Variants in UPP2 observed in about 807,000 individuals in gnomAD.
The protein encoded by UPP2 is uridine phosphorylase 2.
Under a neutral mutation model 26.7 loss-of-function variants are expected in UPP2, and 23 were observed. The ratio of observed to expected loss-of-function variants is 0.86; its 90% CI spans 0.62 to 1.22. The LOEUF (loss-of-function observed/expected upper bound fraction) is 1.22, where lower values mean the gene tolerates loss of function less well. UPP2 is among the 50% of genes most tolerant of loss of function. The pLI is 0.00. For synonymous variants in UPP2, 127 were observed against 141.3 expected, an observed-to-expected ratio of 0.90 and a Z score of 0.72; for missense variants, 387 against 396.7, an observed-to-expected ratio of 0.98 and a Z score of 0.21.
intron 3 of UPP2, among the ~76,000 whole-genome samples, chr2:158,039,222 T>G (rs890356417): frequency 6.6e-6 from 1 of 152,134 alleles, no homozygotes; most frequent in African/African-American, 2.4e-5. Flanking sequence ...GGGCTCTAAC[T>G]AAGCAGCAGA....
chr2:158,018,566 T>C (rs1490807178), intron 3 of UPP2, among the ~76,000 whole-genome samples: 2 of 152,144 alleles, frequency 1.3e-5, no homozygotes, highest in Admixed American at 1.3e-4. Flanking sequence ...GGAAGGCAGG[T>C]GCATGGCTGT....
intron 3 of UPP2, chr2:158,065,805 G>T: frequency 1.4e-6 from 1 of 700,736 alleles, no homozygotes. Context: ...GTTAAGTCTT[G>T]TGAAAATTAA....
chr2:158,079,605 C>T (rs1274799988), intron 3 of UPP2, among the ~76,000 whole-genome samples: 1 of 152,092 alleles, frequency 6.6e-6, no homozygotes, highest in Non-Finnish European at 1.5e-5. Context: ...CATACTAAAC[C>T]CATTCCACTT....
chr2:158,003,973 T>C (rs1255789879), intron 2 of UPP2, among the ~76,000 whole-genome samples: 2 of 152,184 alleles, frequency 1.3e-5, no homozygotes, highest in Admixed American at 1.3e-4. Flanking sequence ...AGTATAGTAC[T>C]AATAATGTTA....
chr2:158,045,051 C>T (rs1382747306), intron 3 of UPP2, among the ~76,000 whole-genome samples: 2 of 152,166 alleles, frequency 1.3e-5, no homozygotes, highest in East Asian at 3.8e-4. Flanking sequence ...CCACCTTTTT[C>T]CTGAATGTAT....
At position 158,121,415 on chromosome 2, in the gene UPP2, C is replaced by T. The variant is rs372476628; in HGVS notation, c.461C>T (p.Ala154Val). 8.1e-6 allele frequency: 13 copies of T among 1,611,868 alleles called. No individual in the cohort carries two copies. Among genetic ancestry groups the T allele is most frequent in the Admixed American group, 3.3e-5 (2 of 59,980 alleles). ...ATTTATTCCCACATTGCAGGGATTG[C>T]ACCAGGGACTGTTGTAATAACGGAT... ...RIGTSGGIGI[A>V]PGTVVITDIA... The change falls in exon 5 of 7, where the codon GCA becomes GTA. Residue 154 changes from alanine (A) to valine (V), a missense_variant. Transcript: ENST00000005756.
chr2:158,112,850 C>A (rs565273004), intron 2 of UPP2, among the ~76,000 whole-genome samples: 8 of 152,272 alleles, frequency 5.3e-5, no homozygotes, highest in African/African-American at 1.9e-4. Flanking sequence ...TTTTTTCTGG[C>A]AATCATTAGG....
intron 2 of UPP2, among the ~76,000 whole-genome samples, chr2:158,012,632 T>C (rs542382191): frequency 6.6e-6 from 1 of 152,314 alleles, no homozygotes; most frequent in East Asian, 1.9e-4. Flanking sequence ...ACCACATCTT[T>C]GATCCTTAAA....
chr2:158,121,987 C>A (rs546770666), intron 5 of UPP2, among the ~76,000 whole-genome samples: 1 of 151,886 alleles, frequency 6.6e-6, no homozygotes, highest in Non-Finnish European at 1.5e-5. Context: ...TGATCCTGTC[C>A]CCCGGAAACA....
intron 3 of UPP2, among the ~76,000 whole-genome samples, chr2:158,045,516 C>G (rs576116909): frequency 1.7e-3 from 257 of 152,268 alleles, no homozygotes; most frequent in African/African-American, 6.0e-3. Context: ...CATACCATGC[C>G]TGGGACTCTA....
At chr2:158,105,758 G>T (rs1683179629) in intron 1 of UPP2, among the ~76,000 whole-genome samples, 1 of 152,168 alleles carries the variant, frequency 6.6e-6, no homozygotes, top group Non-Finnish European at 1.5e-5. Flanking sequence ...AATAGAAATG[G>T]CTGTTTTGTA....
At chr2:158,019,352 T>G (rs565149074) in intron 3 of UPP2, among the ~76,000 whole-genome samples, 4 of 152,100 alleles carry the variant, frequency 2.6e-5, no homozygotes, top group Non-Finnish European at 5.9e-5. Context: ...TGGAGAGATA[T>G]ACAGATCCAT....
chr2:158,063,885 T>C (rs921138371), intron 3 of UPP2, among the ~76,000 whole-genome samples: 7 of 152,198 alleles, frequency 4.6e-5, no homozygotes, highest in Non-Finnish European at 8.8e-5. Flanking sequence ...CTGAGAATGA[T>C]GGTTTCCAGC....
chr2:158,102,197 G>T, intron 1 of UPP2, 72 bp downstream of exon 1: 2 of 1,549,186 alleles, frequency 1.3e-6, no homozygotes, highest in Non-Finnish European at 1.8e-6. Context: ...TAAATGATTA[G>T]ATAATGGGCC....
At chr2:158,082,131 A>C (rs1682736938) in intron 3 of UPP2, among the ~76,000 whole-genome samples, 1 of 151,920 alleles carries the variant, frequency 6.6e-6, no homozygotes, top group African/African-American at 2.4e-5. Flanking sequence ...TTGTATTTGT[A>C]GTACAGATGG....
intron 6 of UPP2, 109 bp from the exon 7 acceptor site, chr2:158,134,639 C>A (rs1683893144): frequency 3.8e-6 from 5 of 1,321,536 alleles, no homozygotes; most frequent in South Asian, 2.1e-5. Flanking sequence ...ACAACAACAA[C>A]AAAAATACAC....
intron 3 of UPP2, among the ~76,000 whole-genome samples, chr2:158,087,934 G>C (rs1682842628): frequency 6.6e-6 from 1 of 152,024 alleles, no homozygotes; most frequent in Non-Finnish European, 1.5e-5. Context: ...CCTTCATCTT[G>C]ACTTTAGAAA....
chr2:158,134,785 C>G lies in UPP2; in HGVS notation c.849C>G (p.Asp283Glu), dbSNP rs746131929. 6.2e-7 allele frequency: 1 copy of G among 1,613,546 alleles called. No homozygotes were observed. The highest frequency in any genetic ancestry group is 8.5e-7 in the Non-Finnish European group (1 of 1,179,696). ...VVCVTLLDRL[D>E]CDQINLPHDV... The stretch of plus-strand genomic sequence containing the variant: ...GTGTGACACTTCTCGACAGACTCGA[C>G]TGTGATCAGATCAACTTGCCTCATG... Residue 283 changes from aspartate (D) to glutamate (E), a missense_variant, in exon 7 of 7, where the codon GAC (aspartate) becomes GAG (glutamate). By Grantham distance (45) the Asp-to-Glu change is conservative. Transcript: ENST00000005756.
At chr2:158,118,838 C>T (rs757666418) in intron 4 of UPP2, among the ~76,000 whole-genome samples, 172 of 152,152 alleles carry the variant, frequency 1.1e-3, no homozygotes, top group Non-Finnish European at 2.2e-3. Flanking sequence ...TGTTCAACAT[C>T]ACAAAGCCAC....
Sources: allele counts gnomAD v4.1 joint callset (sites outside exome capture counted in the v4.1 genomes callset), GRCh38; gene constraint gnomAD v4.1.1; transcripts MANE v1.5; gene names NCBI Gene and HGNC (gene_info 2026-07-23, HGNC 2026-07-21).